Variants in FAM98A observed in about 807,000 individuals in gnomAD.
FAM98A encodes protein FAM98A.
Under a neutral mutation model 62.9 loss-of-function variants are expected in FAM98A, and 25 were observed. The ratio of observed to expected loss-of-function variants is 0.40; its 90% CI spans 0.29 to 0.56. FAM98A has a LOEUF of 0.56. Ranked by LOEUF, FAM98A falls within the 20% of genes least tolerant of loss-of-function variation. The pLI, the probability that FAM98A is intolerant of heterozygous loss-of-function variation, is 0.51. For synonymous variants in FAM98A, 252 were observed against 228.6 expected, an observed-to-expected ratio of 1.10 and a Z score of -0.92; for missense variants, 653 against 640.7, an observed-to-expected ratio of 1.02 and a Z score of -0.21.
chr2:33,585,015 C>T lies in FAM98A; in HGVS notation c.1318G>A (p.Gly440Ser), dbSNP rs199817907. The change falls in exon 8 of 8, where the codon GGT becomes AGT. Residue 440 changes from glycine to serine, a missense_variant. Transcript: ENST00000238823. ...TATCTATTGTCCTGCTGGTAGCCAC[C>T]ACCCTGGTATCCACTTCCTGTATAT... is the stretch of plus-strand genomic sequence containing the variant. ...SSYTGSGYQGGGYQQDNRYQD... is the reference protein window; with the variant it reads ...SSYTGSGYQGSGYQQDNRYQD... 160 of 1,613,978 alleles carry T rather than the reference C, an allele frequency of 9.9e-5. No individual in the cohort carries two copies. The highest frequency in any genetic ancestry group is 1.2e-4 in the Non-Finnish European group (143 of 1,180,020).
chr2:33,597,777 A>C (rs1677847013), intron 1 of FAM98A, among the ~76,000 whole-genome samples: 1 of 152,142 alleles, frequency 6.6e-6, no homozygotes. Context: ...TTCCTTTCCC[A>C]GTAAAGGGAC....
At chr2:33,597,862 G>C (rs1225765995) in intron 1 of FAM98A, among the ~76,000 whole-genome samples, 1 of 152,132 alleles carries the variant, frequency 6.6e-6, no homozygotes, top group African/African-American at 2.4e-5. Context: ...TGTACTCTAA[G>C]GGCCTAACAC....
intron 5 of FAM98A, 42 bp downstream of exon 5, chr2:33,587,198 T>C: frequency 8.1e-7 from 1 of 1,241,146 alleles, no homozygotes; most frequent in Non-Finnish European, 1.2e-6. Flanking sequence ...TCATAAACTC[T>C]ATAGTTCTTT....
intron 3 of FAM98A, chr2:33,589,861 G>A (rs1276796171): frequency 6.6e-6 from 1 of 152,054 alleles, no homozygotes; most frequent in Non-Finnish European, 1.5e-5. Context: ...AGAGAACTTA[G>A]GGCCACAAAG....
chr2:33,598,561 C>T (rs1223844227), intron 1 of FAM98A, among the ~76,000 whole-genome samples: 1 of 152,170 alleles, frequency 6.6e-6, no homozygotes, highest in Non-Finnish European at 1.5e-5. Context: ...CTCAACGAGG[C>T]AGAGTATCAC....
chr2:33,597,187 AG>A (rs1285425885), intron 1 of FAM98A, among the ~76,000 whole-genome samples: 3 of 152,138 alleles, frequency 2.0e-5, no homozygotes, highest in Non-Finnish European at 4.4e-5. Flanking sequence ...ACTGTGTGCC[AG>A]GTAAGAGATA....
intron 6 of FAM98A, 33 bp from the exon 7 acceptor site, chr2:33,585,730 CA>C: frequency 6.3e-7 from 1 of 1,580,650 alleles, no homozygotes; most frequent in Non-Finnish European, 8.6e-7. Flanking sequence ...AGAGAAATGT[CA>C]ATTTTCAAAA....
chr2:33,596,308 G>A (rs753594060), intron 1 of FAM98A, among the ~76,000 whole-genome samples: 1 of 152,134 alleles, frequency 6.6e-6, no homozygotes, highest in African/African-American at 2.4e-5. Context: ...AGACATTCTA[G>A]TACCAAAGAA....
intron 1 of FAM98A, among the ~76,000 whole-genome samples, chr2:33,597,910 A>G (rs1171771703): frequency 2.0e-5 from 3 of 152,232 alleles, no homozygotes; most frequent in Admixed American, 6.5e-5. Flanking sequence ...GTCCTAATGA[A>G]TGAATGGTTT....
chr2:33,584,086 A>ATG lies in FAM98A; in HGVS notation c.*688_*689dup. 6.5e-6 allele frequency: 1 copy of ATG among 152,782 alleles called. No individual in the cohort carries two copies. The highest frequency in any genetic ancestry group is 2.1e-4 in the South Asian group (1 of 4,830). 9.5% of individuals were successfully genotyped at this position (152,782 alleles called of 1,614,324 possible). ...AGTTTGAATTGCTATACTTAACTAAATGCCTACATGTACTATAGCTTCACA... is the reference window on the plus strand; with the variant it reads ...AGTTTGAATTGCTATACTTAACTAAATGTGCCTACATGTACTATAGCTTCACA... On this transcript the variant is annotated 3_prime_UTR_variant, in exon 8 of 8. Coordinates refer to ENST00000238823, the MANE Select transcript of FAM98A (RefSeq NM_015475.5).
chr2:33,584,678 C>A lies in FAM98A; in HGVS notation c.*98G>T. On this transcript the variant is annotated 3_prime_UTR_variant, in exon 8 of 8. Coordinates refer to ENST00000238823, the MANE Select transcript of FAM98A (RefSeq NM_015475.5). ...TGCCAAGCAGGAATCTGCCTGCCAC[C>A]TGTGGTCTCACATTAATTCAAAATA... 2 of 1,059,040 alleles carry A rather than the reference C, an allele frequency of 1.9e-6. No homozygotes were observed. Among genetic ancestry groups the A allele is most frequent in the Non-Finnish European group, 2.8e-6 (2 of 720,254 alleles). The allele number at this position is 1,059,040 out of a possible 1,614,324, so 65.6% of individuals were successfully genotyped here. A position where few individuals can be genotyped will look rare whatever the true frequency, so the allele number is the denominator to read the frequency against.
chr2:33,592,098 T>C lies in FAM98A; in HGVS notation c.319A>G (p.Asn107Asp), dbSNP rs755163482. 6.2e-7 allele frequency: 1 copy of C among 1,613,400 alleles called. No homozygotes were observed. The highest frequency in any genetic ancestry group is 1.1e-5 in the South Asian group (1 of 90,954). Residue 107 changes from asparagine (N) to aspartate (D), a missense_variant, in exon 3 of 8, where the codon AAC becomes GAC. Coordinates refer to ENST00000238823, the MANE Select transcript of FAM98A (RefSeq NM_015475.5). ...DVTKRLLIQK[N>D]CLLLLTYLIS... ...AACTTACTGAGCAAGAGGAGGCAGT[T>C]CTTCTGAATGAGAAGGCGCTTGGTC...
chr2:33,584,896 G>GC lies in FAM98A; in HGVS notation c.1436dup (p.Trp480LeufsTer16). The GC allele has an allele frequency of 6.2e-7, 1 of 1,613,602 alleles. No individual in the cohort carries two copies. The highest frequency in any genetic ancestry group is 1.1e-5 in the South Asian group (1 of 91,040). On this transcript the variant is annotated frameshift_variant, in exon 8 of 8. Transcript: ENST00000238823. LOFTEE classifies it high-confidence loss of function. ...AATTCTGGCTCCCTCTTCCTCCCCA[G>GC]CCTCCTCCCTGGCCTGCACGACCAC...
chr2:33,599,244 C>T lies in FAM98A; in HGVS notation c.-23G>A, dbSNP rs767257677. On this transcript the variant is annotated 5_prime_UTR_variant, in exon 1 of 8. Coordinates refer to ENST00000238823, the MANE Select transcript of FAM98A (RefSeq NM_015475.5). ...CATGCTACTGTGGTATTCAAATTTC[C>T]GAGTCGTCAGGCTCCCCTCTTCGCC... 1 of 1,608,886 alleles carries T rather than the reference C, an allele frequency of 6.2e-7. No individual in the cohort carries two copies. Among genetic ancestry groups the T allele is most frequent in the Non-Finnish European group, 8.5e-7 (1 of 1,175,226 alleles).
chr2:33,594,614 T>C (rs113349700), intron 2 of FAM98A, among the ~76,000 whole-genome samples: 1,417 of 56,258 alleles, frequency 0.025, 396 homozygotes, highest in African/African-American at 0.16. Context: ...CATACACACA[T>C]ATATATATAC....
In FAM98A at chr2:33,584,958, C is replaced by T. The variant is rs770624728; in HGVS notation, c.1375G>A (p.Gly459Ser). 4 of 1,614,126 alleles carry T rather than the reference C, an allele frequency of 2.5e-6. No individual in the cohort carries two copies. Among genetic ancestry groups the T allele is most frequent in the South Asian group, 1.1e-5 (1 of 91,072 alleles). The change falls in exon 8 of 8, where the codon GGT (glycine) becomes AGT (serine). Residue 459 changes from glycine (G) to serine (S), a missense_variant. Transcript: ENST00000238823. The stretch of plus-strand genomic sequence containing the variant: ...CGACCACCTCGCCCACCACGACCAC[C>T]ACCACGATCACCATGGTGCCCGCCA... ...QDGGHHGDRG[G>S]GRGGRGGRGG...
At chr2:33,593,675 C>G (rs1369185486) in intron 2 of FAM98A, among the ~76,000 whole-genome samples, 1 of 152,164 alleles carries the variant, frequency 6.6e-6, no homozygotes, top group Admixed American at 6.5e-5. Context: ...ATTTTCTAAT[C>G]TGTAATACAG....
intron 1 of FAM98A, among the ~76,000 whole-genome samples, chr2:33,598,800 C>G (rs1251710903): frequency 1.3e-5 from 2 of 152,164 alleles, no homozygotes; most frequent in African/African-American, 4.8e-5. Flanking sequence ...AAAGCAGAAT[C>G]AACTTTGGCA....
intron 3 of FAM98A, among the ~76,000 whole-genome samples, chr2:33,590,334 G>C (rs1677644168): frequency 6.6e-6 from 1 of 152,078 alleles, no homozygotes. Flanking sequence ...ATTCTAATGA[G>C]GCTGGTTTGT....
Sources: allele counts gnomAD v4.1 joint callset (sites outside exome capture counted in the v4.1 genomes callset), GRCh38; gene constraint gnomAD v4.1.1; transcripts MANE v1.5; gene names NCBI Gene and HGNC (gene_info 2026-07-23, HGNC 2026-07-21).